Variants in JAZF1 observed in about 807,000 individuals in gnomAD.
The protein encoded by JAZF1 is JAZF zinc finger 1.
JAZF1 carries 8 observed loss-of-function variants against 26.4 expected under a neutral mutation model. The observed-to-expected ratio is 0.30, with a 90% CI of 0.18 to 0.55. The LOEUF is 0.55. Ranked by LOEUF, JAZF1 falls within the 20% of genes least tolerant of loss-of-function variation. The pLI is 0.94. For missense variants in JAZF1, 199 were observed against 322.0 expected (o/e 0.62, Z 2.92); for synonymous variants, 126 against 122.3 (o/e 1.03, Z -0.20).
intron 1 of JAZF1, among the ~76,000 whole-genome samples, chr7:28,053,286 G>A (rs962510813): frequency 1.9e-4 from 29 of 152,248 alleles, no homozygotes; most frequent in East Asian, 3.9e-4. Flanking sequence ...TAATTTCGGC[G>A]TGCAAATATC....
At chr7:27,965,923 C>T (rs1267120398) in intron 2 of JAZF1, among the ~76,000 whole-genome samples, 1 of 152,186 alleles carries the variant, frequency 6.6e-6, no homozygotes, top group Non-Finnish European at 1.5e-5. Flanking sequence ...AATGCAACCA[C>T]TGCATATACA....
At chr7:28,017,131 A>G (rs1370680321) in intron 1 of JAZF1, among the ~76,000 whole-genome samples, 4 of 152,070 alleles carry the variant, frequency 2.6e-5, no homozygotes, top group African/African-American at 9.7e-5. Flanking sequence ...CAGGTGGATC[A>G]CCCAAGGTCA....
intron 1 of JAZF1, among the ~76,000 whole-genome samples, chr7:28,040,443 G>A (rs1478276368): frequency 6.6e-6 from 1 of 152,198 alleles, no homozygotes; most frequent in Non-Finnish European, 1.5e-5. Context: ...GTAATCAAGA[G>A]TGACTGGTAA....
chr7:28,051,150 A>T (rs112128977), intron 1 of JAZF1, among the ~76,000 whole-genome samples: 2 of 135,696 alleles, frequency 1.5e-5, no homozygotes, highest in Non-Finnish European at 3.1e-5. Flanking sequence ...AAAAAAAAAA[A>T]AAAAAACAAA....
intron 1 of JAZF1, among the ~76,000 whole-genome samples, chr7:28,100,518 T>C (rs1291495423): frequency 1.3e-5 from 2 of 152,194 alleles, no homozygotes; most frequent in African/African-American, 4.8e-5. Context: ...GATGGAATTA[T>C]ATCTCAGACA....
intron 1 of JAZF1, among the ~76,000 whole-genome samples, chr7:28,086,312 AG>A (rs1237111316): frequency 6.6e-6 from 1 of 152,242 alleles, no homozygotes; most frequent in Non-Finnish European, 1.5e-5. Flanking sequence ...TACTCATAAA[AG>A]TTTTTAAATT....
rs919082793 is a variant in JAZF1 at position 27,994,468 on chromosome 7, A to C, written c.116-2487T>G. 7.1e-4 allele frequency among the ~76,000 whole-genome samples: 49 copies of C among 69,328 alleles called. 1 individual carries two copies. The highest frequency in any genetic ancestry group is 2.7e-3 in the East Asian group (11 of 4,118). 45.5% of individuals were successfully genotyped at this position (69,328 alleles called of 152,430 possible). A position where few individuals can be genotyped will look rare whatever the true frequency, so the allele number is the denominator to read the frequency against. ...AAAAAAAAAAAACAAAAAACAAAAAAAAACACACACACACAAAAAACCATT... is the reference window on the plus strand; with the variant it reads ...AAAAAAAAAAAACAAAAAACAAAAACAAACACACACACACAAAAAACCATT... On this transcript the variant is annotated intron_variant, in intron 1 of 4. Transcript: ENST00000283928.
At chr7:28,152,331 C>A (rs974212179) in intron 1 of JAZF1, among the ~76,000 whole-genome samples, 2 of 152,174 alleles carry the variant, frequency 1.3e-5, no homozygotes, top group Admixed American at 1.3e-4. Context: ...ACCTAAAAGT[C>A]CTGTATTTGG....
rs1020571417 is a variant in JAZF1, at chr7:27,885,885, G to C, written c.385+9335C>G. Reference sequence around the variant, plus strand: ...ACATGCACAAGCAGCCCTCGCCAGGGCTGGTGAAATATTGTCTGCCCAAAA... The same window carrying C: ...ACATGCACAAGCAGCCCTCGCCAGGCCTGGTGAAATATTGTCTGCCCAAAA... On this transcript the variant is annotated intron_variant, in intron 3 of 4. Transcript: ENST00000283928. 2.6e-5 allele frequency among the ~76,000 whole-genome samples: 4 copies of C among 152,150 alleles called. 1 individual carries two copies. Among genetic ancestry groups the C allele is most frequent in the Admixed American group, 2.6e-4 (4 of 15,274 alleles).
intron 2 of JAZF1, among the ~76,000 whole-genome samples, chr7:27,920,818 T>C (rs1784516120): frequency 6.6e-6 from 1 of 152,026 alleles, no homozygotes; most frequent in Non-Finnish European, 1.5e-5. Flanking sequence ...AATAGAGAGG[T>C]CTAAATACCC....
chr7:28,005,679 T>C (rs1294774526), intron 1 of JAZF1, among the ~76,000 whole-genome samples: 2 of 152,198 alleles, frequency 1.3e-5, no homozygotes, highest in Non-Finnish European at 2.9e-5. Flanking sequence ...CCTGATTCTG[T>C]GCAAGTTGTG....
chr7:28,112,506 C>T (rs1033443345), intron 1 of JAZF1, among the ~76,000 whole-genome samples: 5 of 152,148 alleles, frequency 3.3e-5, no homozygotes, highest in South Asian at 4.2e-4. Context: ...AAGTTTATTG[C>T]CAAAAGCATT....
chr7:28,140,384 A>G (rs1467542988), intron 1 of JAZF1, among the ~76,000 whole-genome samples: 1 of 152,222 alleles, frequency 6.6e-6, no homozygotes, highest in East Asian at 1.9e-4. Flanking sequence ...TGCCCAGCCA[A>G]AAGTCACAAA....
At position 28,014,323 on chromosome 7, in the gene JAZF1, A is replaced by T. The variant is rs564020780; in HGVS notation, c.116-22342T>A. On this transcript the variant is annotated intron_variant, in intron 1 of 4. Coordinates refer to ENST00000283928, the MANE Select transcript of JAZF1 (RefSeq NM_175061.4). Reference sequence around the variant, plus strand: ...ACAAATGGCATTGTGACAGTAACACAAGCAGGGGTTCTCTCTCCATTTCTG... The same window carrying T: ...ACAAATGGCATTGTGACAGTAACACTAGCAGGGGTTCTCTCTCCATTTCTG... 5.3e-5 allele frequency among the ~76,000 whole-genome samples: 8 copies of T among 152,320 alleles called. No homozygotes were observed. In the South Asian group the frequency reaches 1.7e-3, roughly 32 times the overall value.
chr7:28,002,800 C>T (rs886626755), intron 1 of JAZF1, among the ~76,000 whole-genome samples: 1 of 152,138 alleles, frequency 6.6e-6, no homozygotes, highest in African/African-American at 2.4e-5. Flanking sequence ...AAAAACCACA[C>T]TTCCCAGCAT....
intron 3 of JAZF1, 93 bp downstream of exon 3, chr7:27,895,127 T>G: frequency 1.4e-6 from 1 of 710,576 alleles, no homozygotes; most frequent in African/African-American, 1.8e-5. Flanking sequence ...TGTCGTCATC[T>G]GTCCCCAGCC....
Position 28,129,930 on chromosome 7 carries a change from T to C in JAZF1, c.115+50533A>G, listed in dbSNP as rs113871136. On this transcript the variant is annotated intron_variant, in intron 1 of 4. Coordinates refer to ENST00000283928, the MANE Select transcript of JAZF1 (RefSeq NM_175061.4). ...TTTTTACATCTAATAACACTATCGG[T>C]ATCTTTCCACCACTCCTCAATTCTT... Among the ~76,000 whole-genome samples, 558 of 152,282 alleles carry C rather than the reference T, an allele frequency of 3.7e-3. 1 individual carries two copies. Among genetic ancestry groups the C allele is most frequent in the Middle Eastern group, 0.01 (3 of 294 alleles).
intron 4 of JAZF1, among the ~76,000 whole-genome samples, chr7:27,835,459 T>C (rs1233632186): frequency 6.6e-6 from 1 of 152,218 alleles, no homozygotes; most frequent in African/African-American, 2.4e-5. Flanking sequence ...GTTGTGTGTC[T>C]GGCATGAGAC....
rs547003386 is a variant in JAZF1 at position 27,980,356 on chromosome 7, C to A, written c.188+11553G>T. The stretch of plus-strand genomic sequence containing the variant: ...ATGTCCATTAAGTCATTAAAAAGCC[C>A]ACTTTTAAGAAAATCATAGGTTTTT... On this transcript the variant is annotated intron_variant, in intron 2 of 4. Transcript: ENST00000283928. 4.6e-5 allele frequency among the ~76,000 whole-genome samples: 7 copies of A among 152,258 alleles called. No individual in the cohort carries two copies. In the South Asian group the frequency reaches 1.5e-3, roughly 32 times the overall value.
Sources: allele counts gnomAD v4.1 joint callset (sites outside exome capture counted in the v4.1 genomes callset), GRCh38; gene constraint gnomAD v4.1.1; transcripts MANE v1.5; gene names NCBI Gene and HGNC (gene_info 2026-07-23, HGNC 2026-07-21).